Variants in RFX4 observed in about 807,000 individuals in gnomAD.
RFX4 encodes transcription factor RFX4.
A neutral mutation model predicts 95.0 loss-of-function variants in RFX4; 10 were observed. The observed-to-expected ratio is 0.11, with a 90% confidence interval of 0.06 to 0.18. The LOEUF is 0.18. RFX4 is among the 10% of genes least tolerant of loss of function. The pLI, the probability that RFX4 is intolerant of heterozygous loss-of-function variation, is 1.00. For missense variants in RFX4, 640 were observed against 922.0 expected (o/e 0.69, Z 3.96); for synonymous variants, 321 against 340.7 (o/e 0.94, Z 0.64).
intron 15 of RFX4, among the ~76,000 whole-genome samples, chr12:106,746,646 C>A (rs970001824): frequency 1.2e-4 from 18 of 152,108 alleles, no homozygotes; most frequent in African/African-American, 4.1e-4. Flanking sequence ...AAAAAATAGA[C>A]AAAGGGAATT....
chr12:106,685,005 C>A, intron 5 of RFX4: 1 of 1,573,756 alleles, frequency 6.4e-7, no homozygotes, highest in Non-Finnish European at 8.6e-7. Flanking sequence ...AAAATGCCTT[C>A]TCATCTGTAT....
intron 11 of RFX4, among the ~76,000 whole-genome samples, chr12:106,717,000 C>CAAAAAAAAAAA: frequency 1.7e-5 from 1 of 60,500 alleles, no homozygotes; most frequent in Admixed American, 2.3e-4. Context: ...GCACAGGAGA[C>CAAAAAAAAAAA]AAAAAAAAAA....
chr12:106,647,143 G>A (rs1374910380), intron 3 of RFX4, among the ~76,000 whole-genome samples: 1 of 152,032 alleles, frequency 6.6e-6, no homozygotes, highest in East Asian at 1.9e-4. Context: ...TTAAAGGCTG[G>A]GGCAAGAGTA....
At chr12:106,726,620 T>A (rs1397644055) in intron 13 of RFX4, among the ~76,000 whole-genome samples, 1 of 152,242 alleles carries the variant, frequency 6.6e-6, no homozygotes, top group Non-Finnish European at 1.5e-5. Flanking sequence ...TACCTAGAAC[T>A]TATTTTTAAC....
rs1401930656 is a variant in RFX4, at chr12:106,586,471, T to C, written c.43+3108T>C. On this transcript the variant is annotated intron_variant, in intron 1 of 17. Transcript: ENST00000392842. This position sits in a 1 kb window ranked among gnomAD's most constrained non-coding sequence, Gnocchi z 5.6. ...AGAATTTTAGGCCACCGAGAACTTG[T>C]GCAAAGTGGGCCGGGCCGGGTCGGT... is the stretch of plus-strand genomic sequence containing the variant. Among the ~76,000 whole-genome samples the C allele has an allele frequency of 6.7e-6, 1 of 150,338 alleles. No individual in the cohort carries two copies. Among genetic ancestry groups the C allele is most frequent in the East Asian group, 2.0e-4 (1 of 5,052 alleles).
chr12:106,752,321 T>C (rs2043022722), intron 17 of RFX4, among the ~76,000 whole-genome samples: 1 of 152,132 alleles, frequency 6.6e-6, no homozygotes, highest in African/African-American at 2.4e-5. Context: ...ACCAGTACCA[T>C]GCTGTTTTGG....
At chr12:106,735,049 A>C (rs1338114161) in intron 15 of RFX4, among the ~76,000 whole-genome samples, 1 of 151,682 alleles carries the variant, frequency 6.6e-6, no homozygotes, top group Non-Finnish European at 1.5e-5. Context: ...CTGTTTAAAA[A>C]AAAAAAAAAA....
chr12:106,625,999 C>T (rs2040290103), intron 2 of RFX4, among the ~76,000 whole-genome samples: 1 of 152,128 alleles, frequency 6.6e-6, no homozygotes, highest in African/African-American at 2.4e-5. Context: ...TGGATCCCTG[C>T]TCTCAATGAA....
Position 106,587,399 on chromosome 12 carries a change from C to T in RFX4, c.43+4036C>T, listed in dbSNP as rs142762298. On this transcript the variant is annotated intron_variant, in intron 1 of 17. Coordinates refer to ENST00000392842, the MANE Select transcript of RFX4 (RefSeq NM_213594.3). The stretch of plus-strand genomic sequence containing the variant: ...GTGCAGTTGGGGTGACTTCAGGGGG[C>T]GGGGGGACCGGAGGGCAGGAGCGGG... Among the ~76,000 whole-genome samples the T allele has an allele frequency of 3.2e-3, 482 of 152,138 alleles. 1 individual carries two copies. The highest frequency in any genetic ancestry group is 0.011 in the African/African-American group (455 of 41,510).
At chr12:106,677,714 T>C (rs1006514100) in intron 4 of RFX4, among the ~76,000 whole-genome samples, 3 of 151,678 alleles carry the variant, frequency 2.0e-5, no homozygotes, top group African/African-American at 4.8e-5. Context: ...CTCAAAAAAA[T>C]CAAAAAAACA....
At chr12:106,698,301 T>C (rs1220768463) in intron 8 of RFX4, among the ~76,000 whole-genome samples, 1 of 152,092 alleles carries the variant, frequency 6.6e-6, no homozygotes, top group Non-Finnish European at 1.5e-5. Context: ...AGATGAGGTC[T>C]TGTTCTGTTG....
At chr12:106,686,808 T>C in intron 5 of RFX4, 76 bp from the exon 6 acceptor site, 3 of 1,402,270 alleles carry the variant, frequency 2.1e-6, no homozygotes, top group Non-Finnish European at 3.0e-6. Flanking sequence ...TCAGGAAACC[T>C]CACTTAATAA....
At chr12:106,668,949 G>A (rs900504925) in intron 4 of RFX4, among the ~76,000 whole-genome samples, 6 of 152,178 alleles carry the variant, frequency 3.9e-5, no homozygotes, top group Non-Finnish European at 7.3e-5. Context: ...TATGTGGAGA[G>A]GCCATTTGGC....
At chr12:106,705,763 G>A (rs2042072776) in intron 8 of RFX4, among the ~76,000 whole-genome samples, 1 of 152,094 alleles carries the variant, frequency 6.6e-6, no homozygotes, top group Non-Finnish European at 1.5e-5. Context: ...TAGGGAGGGG[G>A]ACAGTTTGGA....
chr12:106,608,805 A>G lies in RFX4; in HGVS notation c.52A>G (p.Ile18Val). The change falls in exon 2 of 18, where the codon ATT becomes GTT. Residue 18 changes from isoleucine to valine, a missense_variant. Transcript: ENST00000392842. ...EPDMDSTESW[I>V]ERCLNESENK... ...CTTTTTTTTTTTTTTAGAGAGCTGGATTGAAAGATGTCTCAACGAAAGTGA... is the reference window on the plus strand; with the variant it reads ...CTTTTTTTTTTTTTTAGAGAGCTGGGTTGAAAGATGTCTCAACGAAAGTGA... The G allele has an allele frequency of 6.3e-7, 1 of 1,581,530 alleles. No individual in the cohort carries two copies. The highest frequency in any genetic ancestry group is 1.1e-5 in the South Asian group (1 of 87,860).
chr12:106,751,559 T>C (rs1041507369), intron 17 of RFX4, among the ~76,000 whole-genome samples: 2 of 147,458 alleles, frequency 1.4e-5, no homozygotes, highest in Admixed American at 6.8e-5. Context: ...ACCAACAGTG[T>C]AAAAGTGTTC....
intron 2 of RFX4, among the ~76,000 whole-genome samples, chr12:106,626,466 G>A (rs970680541): frequency 2.0e-5 from 3 of 152,148 alleles, no homozygotes; most frequent in Non-Finnish European, 4.4e-5. Context: ...ATGGGAAATA[G>A]GGCTAGGAAT....
intron 11 of RFX4, among the ~76,000 whole-genome samples, chr12:106,718,604 G>A (rs1465989251): frequency 6.6e-6 from 1 of 152,150 alleles, no homozygotes; most frequent in South Asian, 2.1e-4. Context: ...TGTAGCAAGC[G>A]TCAACTAAGT....
intron 3 of RFX4, among the ~76,000 whole-genome samples, chr12:106,652,932 A>C (rs1436018345): frequency 4.6e-5 from 7 of 152,074 alleles, no homozygotes; most frequent in Non-Finnish European, 1.5e-5. Context: ...CTTATTTTTG[A>C]CCAAAAAATT....
Sources: allele counts gnomAD v4.1 joint callset (sites outside exome capture counted in the v4.1 genomes callset), GRCh38; gene constraint gnomAD v4.1.1; non-coding constraint Gnocchi (gnomAD v3.1); transcripts MANE v1.5; gene names NCBI Gene and HGNC (gene_info 2026-07-23, HGNC 2026-07-21).